VDAC2: variants seen among roughly 807,000 people sequenced by gnomAD.
The protein encoded by VDAC2 is voltage dependent anion channel 2.
In VDAC2, 6 loss-of-function variants were observed where a neutral mutation model predicts 36.6. The observed-to-expected ratio is 0.16, with a 90% CI of 0.09 to 0.32. The LOEUF is 0.32. VDAC2 is among the 10% of genes least tolerant of loss of function. The probability of loss-of-function intolerance (pLI) is 1.00; values close to 1 mark genes in which losing one functional copy is unlikely to be tolerated. For synonymous variants in VDAC2, 109 were observed against 123.8 expected (o/e 0.88, Z 0.79); for missense variants, 247 against 346.0 (o/e 0.71, Z 2.27).
At chr10:75,212,425 T>G (rs1026650470) in intron 3 of VDAC2, 127 bp downstream of exon 3, 20 of 904,204 alleles carry the variant, frequency 2.2e-5, no homozygotes, top group Non-Finnish European at 3.3e-5. Context: ...AGTTACTTAT[T>G]TTTTTGAGAC....
chr10:75,215,078 T>G (rs1230311045), intron 4 of VDAC2, among the ~76,000 whole-genome samples: 1 of 151,662 alleles, frequency 6.6e-6, no homozygotes, highest in Non-Finnish European at 1.5e-5. Flanking sequence ...CATGCCTGAG[T>G]ATTTTTTGTA....
Position 75,218,061 on chromosome 10 carries a change from T to G in VDAC2, c.151-1002T>G, listed in dbSNP as rs1422915262. 1.2e-5 allele frequency: 7 copies of G among 593,704 alleles called. No homozygotes were observed. The East Asian group carries it at 5.5e-4, about 47-fold the overall frequency. The allele number at this position is 593,704 out of a possible 1,614,324, so 36.8% of individuals were successfully genotyped here. On this transcript the variant is annotated intron_variant, in intron 4 of 9. Transcript: ENST00000332211. Reference sequence around the variant, plus strand: ...TGTGATCACATCATTGTGTTCCAGCTTGGGTGACAGAGGCAAGATGCTGTC... The same window carrying G: ...TGTGATCACATCATTGTGTTCCAGCGTGGGTGACAGAGGCAAGATGCTGTC...
chr10:75,214,125 A>G, intron 4 of VDAC2, 55 bp downstream of exon 4: 4 of 1,567,496 alleles, frequency 2.6e-6, no homozygotes, highest in Non-Finnish European at 3.5e-6. Context: ...TTCAACTTGT[A>G]AAATGGTCAT....
At chr10:75,221,167 G>C (rs561323722) in intron 7 of VDAC2, 197 bp downstream of exon 7, 12 of 557,508 alleles carry the variant, frequency 2.2e-5, no homozygotes, top group Non-Finnish European at 3.5e-5. Flanking sequence ...TGCTGAGAGA[G>C]TAAATGTTCA....
intron 6 of VDAC2, among the ~76,000 whole-genome samples, chr10:75,219,938 C>T (rs1055241509): frequency 3.2e-4 from 49 of 151,494 alleles, no homozygotes; most frequent in African/African-American, 1.2e-3. Flanking sequence ...AGTGATTCTC[C>T]TGCCTCAGCC....
In VDAC2 at chr10:75,219,230, AT is replaced by A; in HGVS notation, c.303+19del. 1.9e-6 allele frequency: 3 copies of A among 1,575,844 alleles called. No individual in the cohort carries two copies. The highest frequency in any genetic ancestry group is 2.6e-6 in the Non-Finnish European group (3 of 1,164,448). ...TTGAAGACCAGGTAACATTTTGAAA[AT>A]TTTAGTATTAATTTTATTAATTTAT... On this transcript the variant is annotated intron_variant, in intron 5 of 9. Coordinates refer to ENST00000332211, the MANE Select transcript of VDAC2 (RefSeq NM_001391963.1).
chr10:75,218,088 CAAAAAAA>C, intron 4 of VDAC2: 2 of 260,486 alleles, frequency 7.7e-6, no homozygotes, highest in South Asian at 6.5e-5. Flanking sequence ...GATGCTGTCT[CAAAAAAA>C]AAAAAAAAAT....
intron 8 of VDAC2, among the ~76,000 whole-genome samples, chr10:75,226,809 T>A (rs554310314): frequency 6.6e-6 from 1 of 152,318 alleles, no homozygotes; most frequent in African/African-American, 2.4e-5. Context: ...TCTGAACTTA[T>A]GTTAATGAGG....
chr10:75,218,590 C>T (rs1299364766), intron 4 of VDAC2, among the ~76,000 whole-genome samples: 1 of 152,058 alleles, frequency 6.6e-6, no homozygotes, highest in Non-Finnish European at 1.5e-5. Context: ...GGTGAAACTC[C>T]ATCTGTACTA....
At position 75,229,201 on chromosome 10, in the gene VDAC2, T is replaced by C. The variant is rs564921919; in HGVS notation, c.736-443T>C. 3 of 152,594 alleles carry C rather than the reference T, an allele frequency of 2.0e-5. No homozygotes were observed. The South Asian group carries it at 6.2e-4, about 32-fold the overall frequency. 9.5% of individuals were successfully genotyped at this position (152,594 alleles called of 1,614,324 possible). A position where few individuals can be genotyped will look rare whatever the true frequency, so the allele number is the denominator to read the frequency against. ...TTAAACATTCATGGTTTTGATTCTT[T>C]AGGAAGAGTCCTGGAAGTAGTAATG... On this transcript the variant is annotated intron_variant, in intron 8 of 9. Transcript: ENST00000332211.
rs752384641 is a variant in VDAC2 at position 75,212,214 on chromosome 10, GT to G, written c.32-8del. The G allele has an allele frequency of 7.5e-6, 12 of 1,609,452 alleles. No homozygotes were observed. The Middle Eastern group carries it at 6.6e-4, about 89-fold the overall frequency. ...AGAATAGAGACATTAACACTGGAAT[GT>G]TTTTTTTCTACCAGCAATGTGTATT... On this transcript the variant is annotated splice_polypyrimidine_tract_variant and intron_variant, in intron 2 of 9. Transcript: ENST00000332211.
chr10:75,218,354 T>TA (rs1841672453), intron 4 of VDAC2: 1 of 152,280 alleles, frequency 6.6e-6, no homozygotes. Context: ...ATGGTCTTGC[T>TA]ATGTTGCCCA....
intron 6 of VDAC2, 55 bp from the exon 7 acceptor site, chr10:75,220,688 T>C (rs1484778693): frequency 9.5e-6 from 14 of 1,471,138 alleles, no homozygotes; most frequent in East Asian, 2.3e-5. Context: ...TGTGCTCTCT[T>C]GTGCAGAAGT....
chr10:75,221,090 C>A, intron 7 of VDAC2, 120 bp downstream of exon 7: 1 of 1,062,104 alleles, frequency 9.4e-7, no homozygotes, highest in Non-Finnish European at 1.3e-6. Context: ...AAAACAAAAT[C>A]ATTCTTGGTC....
At chr10:75,215,333 G>A (rs1564710039) in intron 4 of VDAC2, among the ~76,000 whole-genome samples, 1 of 151,580 alleles carries the variant, frequency 6.6e-6, no homozygotes, top group Non-Finnish European at 1.5e-5. Context: ...ATGTATGTAT[G>A]TATATATATA....
chr10:75,212,463 A>G (rs532991303), intron 3 of VDAC2, among the ~76,000 whole-genome samples, 165 bp downstream of exon 3: 4 of 152,164 alleles, frequency 2.6e-5, no homozygotes, highest in African/African-American at 7.2e-5. Context: ...CCCAGGCTGG[A>G]TGCAGTGGCA....
intron 3 of VDAC2, among the ~76,000 whole-genome samples, chr10:75,213,801 CAA>C (rs1476206512): frequency 1.3e-5 from 2 of 152,088 alleles, no homozygotes; most frequent in African/African-American, 2.4e-5. Flanking sequence ...TACCAACTAC[CAA>C]AAACTAGACA....
At chr10:75,215,360 T>C (rs1304955109) in intron 4 of VDAC2, among the ~76,000 whole-genome samples, 1 of 151,988 alleles carries the variant, frequency 6.6e-6, no homozygotes, top group Non-Finnish European at 1.5e-5. Context: ...GAGAGACTTT[T>C]TTTTTTTTTG....
intron 8 of VDAC2, 41 bp downstream of exon 8, chr10:75,222,443 G>C (rs1345718881): frequency 2.5e-6 from 4 of 1,610,482 alleles, no homozygotes; most frequent in Admixed American, 3.4e-5. Context: ...TTTTGGTTGT[G>C]GGAATGAGTC....
Sources: gnomAD v4.1 joint callset for allele counts (sites outside exome capture counted in the v4.1 genomes callset) on GRCh38, gnomAD v4.1.1 for gene constraint, MANE v1.5 for transcripts, NCBI Gene and HGNC (gene_info 2026-07-23, HGNC 2026-07-21) for gene names.